IFT140: variants seen among roughly 807,000 people sequenced by gnomAD.
IFT140 encodes intraflagellar transport protein 140 homolog.
In IFT140, 133 loss-of-function variants were observed where a neutral mutation model predicts 164.6. The ratio of observed to expected loss-of-function variants is 0.81; its 90% confidence interval spans 0.70 to 0.93. IFT140 has a LOEUF of 0.93. Ranked by LOEUF, IFT140 falls within the 40% of genes least tolerant of loss-of-function variation. The pLI, the probability that IFT140 is intolerant of heterozygous loss-of-function variation, is 0.00. For synonymous variants in IFT140, 860 were observed against 817.3 expected, an observed-to-expected ratio of 1.05 and a Z score of -0.89; for missense variants, 2,045 against 1,972.3, an observed-to-expected ratio of 1.04 and a Z score of -0.70.
rs928436728 is a variant in IFT140, at chr16:1,566,308, C to T, written c.1771-17G>A. 1 of 1,612,202 alleles carries T rather than the reference C, an allele frequency of 6.2e-7. No homozygotes were observed. The highest frequency in any genetic ancestry group is 1.3e-5 in the African/African-American group (1 of 74,872). ...GTTGTCAGCCTAGGAGAAGAGAAAA[C>T]CAGAAAGCTCACGGAGCCTGCCCAG... On this transcript the variant is annotated splice_polypyrimidine_tract_variant and intron_variant, in intron 15 of 30. Transcript: ENST00000426508.
chr16:1,579,058 T>G (rs1411137373), intron 13 of IFT140, among the ~76,000 whole-genome samples: 1 of 152,242 alleles, frequency 6.6e-6, no homozygotes, highest in Non-Finnish European at 1.5e-5. Context: ...AGTAACAGCC[T>G]ATTGTTGACA....
intron 19 of IFT140, chr16:1,541,779 C>T (rs756512973): frequency 1.8e-5 from 19 of 1,039,102 alleles, no homozygotes; most frequent in East Asian, 2.8e-5. Flanking sequence ...TGATGCTTCC[C>T]GAAGCCACTG....
rs372233286 is a variant in IFT140 at position 1,523,888 on chromosome 16, C to T, written c.3210G>A (p.Ala1070=). ...CGCCCTTCTCCTCGTAGTATCGGGC[C>T]GCCTCGATCATGTCCTCGGGGGAGC... The part of the protein sequence containing the change: ...LLSSPEDMIE[A]ARYYEEKGVQ... Residue 1070 remains alanine (A), a synonymous_variant, in exon 25 of 31, where the codon GCG becomes GCA. Transcript: ENST00000426508. The T allele has an allele frequency of 4.6e-5, 74 of 1,613,432 alleles. No individual in the cohort carries two copies. In the Admixed American group the frequency reaches 5.5e-4, roughly 12 times the overall value.
intron 4 of IFT140, among the ~76,000 whole-genome samples, chr16:1,595,145 C>T (rs1036080151): frequency 2.0e-5 from 3 of 152,006 alleles, no homozygotes; most frequent in Non-Finnish European, 4.4e-5. Context: ...ATTAGCCGGG[C>T]GTGGCGGCGG....
At chr16:1,539,273 G>A (rs551424096) in intron 19 of IFT140, among the ~76,000 whole-genome samples, 1 of 146,604 alleles carries the variant, frequency 6.8e-6, no homozygotes, top group South Asian at 2.2e-4. Flanking sequence ...CCCACACCTT[G>A]GGCCTCACCA....
rs748977242 is a variant in IFT140 at position 1,589,713 on chromosome 16, C to G, written c.702G>C (p.Gln234His). Reference protein sequence around the residue: ...TQVVSADSTIQMLFYMEKREA... With the variant: ...TQVVSADSTIHMLFYMEKREA... ...CCCTCTTCTCCATGTAGAACAGCATCTGAATCGTGCTGTCTGCGGACACCA... is the reference window on the plus strand; with the variant it reads ...CCCTCTTCTCCATGTAGAACAGCATGTGAATCGTGCTGTCTGCGGACACCA... The change falls in exon 7 of 31, where the codon CAG (glutamine) becomes CAC (histidine). Residue 234 changes from glutamine (Q) to histidine (H), a missense_variant. Gln to His is a conservative substitution (Grantham distance 24). Transcript: ENST00000426508. 1.9e-6 allele frequency: 3 copies of G among 1,614,162 alleles called. No individual in the cohort carries two copies. The South Asian group carries it at 3.3e-5, about 18-fold the overall frequency.
At chr16:1,583,535 T>C (rs1156322524) in intron 11 of IFT140, 149 bp from the exon 12 acceptor site, 3 of 619,290 alleles carry the variant, frequency 4.8e-6, no homozygotes, top group South Asian at 4.0e-5. Context: ...GGGTCCTCTG[T>C]GGACAGGCTG....
At chr16:1,596,133 A>G (rs1344095448) in intron 4 of IFT140, among the ~76,000 whole-genome samples, 3 of 152,198 alleles carry the variant, frequency 2.0e-5, no homozygotes, top group African/African-American at 7.2e-5. Context: ...AATATTTTAA[A>G]AATAATGCTT....
chr16:1,545,749 A>T (rs551915577), intron 19 of IFT140, among the ~76,000 whole-genome samples: 41 of 152,370 alleles, frequency 2.7e-4, no homozygotes, highest in Admixed American at 2.6e-4. Flanking sequence ...AGAGTGCAGC[A>T]CACTGAAAGG....
At position 1,548,416 on chromosome 16, in the gene IFT140, G is replaced by A. The variant is rs192555745; in HGVS notation, c.2399+9519C>T. Among the ~76,000 whole-genome samples, 5 of 152,362 alleles carry A rather than the reference G, an allele frequency of 3.3e-5. No individual in the cohort carries two copies. The East Asian group carries it at 9.6e-4, about 29-fold the overall frequency. On this transcript the variant is annotated intron_variant, in intron 19 of 30. Coordinates refer to ENST00000426508, the MANE Select transcript of IFT140 (RefSeq NM_014714.4). ...AAGGAGAGGGGAAAGGGCTGGCTGG[G>A]CTGCAGAGCTGTAATTCACACTGTC...
intron 2 of IFT140, among the ~76,000 whole-genome samples, chr16:1,609,561 AACAGTGCCTTGC>A (rs2036238092): frequency 6.6e-6 from 1 of 152,198 alleles, no homozygotes; most frequent in Non-Finnish European, 1.5e-5. Context: ...ACCTCCTTAC[AACAGTGCCTTGC>A]ACAGAACAGG....
chr16:1,544,232 G>A (rs1486149840), intron 19 of IFT140, among the ~76,000 whole-genome samples: 2 of 150,836 alleles, frequency 1.3e-5, no homozygotes, highest in Admixed American at 1.3e-4. Context: ...CACCCAGGCT[G>A]GAGTGCCGTG....
rs570169610 is a variant in IFT140 at position 1,561,427 on chromosome 16, C to A, written c.2199+558G>T. 2.6e-5 allele frequency among the ~76,000 whole-genome samples: 4 copies of A among 152,326 alleles called. No homozygotes were observed. The East Asian group carries it at 7.7e-4, about 29-fold the overall frequency. ...CCATTCTCTCAGTAATTTAAAAACA[C>A]GTCCATGCATGAGTCACACACGGAC... On this transcript the variant is annotated intron_variant, in intron 18 of 30. Coordinates refer to ENST00000426508, the MANE Select transcript of IFT140 (RefSeq NM_014714.4).
intron 22 of IFT140, 150 bp downstream of exon 22, chr16:1,525,081 T>C: frequency 1.7e-6 from 2 of 1,185,886 alleles, no homozygotes; most frequent in Non-Finnish European, 1.2e-6. Context: ...AGGGCCTGGC[T>C]CAGGGCCCTG....
intron 10 of IFT140, among the ~76,000 whole-genome samples, chr16:1,585,927 C>T (rs767045705): frequency 2.0e-5 from 3 of 152,200 alleles, no homozygotes; most frequent in African/African-American, 4.8e-5. Flanking sequence ...CCCGCCACCA[C>T]GCCCGGCTAA....
intron 29 of IFT140, among the ~76,000 whole-genome samples, chr16:1,518,985 C>T (rs2040442781): frequency 6.6e-6 from 1 of 152,168 alleles, no homozygotes; most frequent in Admixed American, 6.5e-5. Flanking sequence ...CCTGGCCTGC[C>T]CTCTGACCCC....
At position 1,510,945 on chromosome 16, in the gene IFT140, C is replaced by T. The variant is rs1299854506; in HGVS notation, c.4388G>A (p.Ter1463=). ...EVVEEADDDP[*] Reference sequence around the variant, plus strand: ...CGCTGGTCCTGGGGCCCAGGCCCCTCAGGGGTCGTCATCTGCCTCTTCCAC... The same window carrying T: ...CGCTGGTCCTGGGGCCCAGGCCCCTTAGGGGTCGTCATCTGCCTCTTCCAC... Residue 1463 remains the stop codon, a stop_retained_variant, in exon 31 of 31, where the codon TGA becomes TAA. Transcript: ENST00000426508. 3.7e-6 allele frequency: 6 copies of T among 1,610,568 alleles called. No homozygotes were observed. The African/African-American group carries it at 4.0e-5, about 11-fold the overall frequency.
chr16:1,544,055 T>C (rs1305499486), intron 19 of IFT140, among the ~76,000 whole-genome samples: 1 of 151,634 alleles, frequency 6.6e-6, no homozygotes, highest in Admixed American at 6.6e-5. Context: ...TCTTGCTCTG[T>C]CACCCATGCT....
chr16:1,592,047 A>T, intron 6 of IFT140, 129 bp downstream of exon 6: 1 of 1,025,224 alleles, frequency 9.8e-7, no homozygotes, highest in Non-Finnish European at 1.4e-6. Context: ...GGCACACGTC[A>T]TCTTTCTGTG....
Sources: allele counts gnomAD v4.1 joint callset (sites outside exome capture counted in the v4.1 genomes callset), GRCh38; gene constraint gnomAD v4.1.1; transcripts MANE v1.5; gene names NCBI Gene and HGNC (gene_info 2026-07-23, HGNC 2026-07-21).